The following PPFIBP1 variants were observed in gnomAD, a reference collection of about 807,000 sequenced individuals.
PPFIBP1 encodes PPFIB scaffold protein 1.
A neutral mutation model predicts 137.8 loss-of-function variants in PPFIBP1; 112 were observed. The ratio of observed to expected loss-of-function variants is 0.81; its 90% CI spans 0.70 to 0.95. PPFIBP1 has a LOEUF of 0.95. PPFIBP1 is among the 40% of genes least tolerant of loss of function. PPFIBP1 has a pLI of 0.00. For synonymous variants in PPFIBP1, 378 were observed against 417.3 expected (o/e 0.91, Z 1.15); for missense variants, 1,083 against 1,196.6 (o/e 0.91, Z 1.40).
intron 18 of PPFIBP1, 137 bp from the exon 19 acceptor site, chr12:27,676,927 A>G: frequency 9.3e-7 from 1 of 1,077,216 alleles, no homozygotes; most frequent in East Asian, 2.4e-5. Context: ...GTAACATCAG[A>G]AGCACTGTGT....
At chr12:27,530,812 C>A (rs1565711878) in intron 1 of PPFIBP1, among the ~76,000 whole-genome samples, 2 of 152,162 alleles carry the variant, frequency 1.3e-5, no homozygotes, top group Non-Finnish European at 2.9e-5. Flanking sequence ...CCTGTTAAGC[C>A]TTTTGCTCTT....
chr12:27,545,140 A>C (rs1203909987), intron 1 of PPFIBP1, among the ~76,000 whole-genome samples: 1 of 151,304 alleles, frequency 6.6e-6, no homozygotes, highest in Non-Finnish European at 1.5e-5. Flanking sequence ...GGAACAGAAA[A>C]CCAAACACCA....
chr12:27,556,338 GTTTCTATTC>G (rs1429433077), intron 1 of PPFIBP1, among the ~76,000 whole-genome samples: 2 of 152,124 alleles, frequency 1.3e-5, no homozygotes, highest in Non-Finnish European at 2.9e-5. Flanking sequence ...CTTTAGCAAG[GTTTCTATTC>G]TTTGCCAGTG....
intron 17 of PPFIBP1, among the ~76,000 whole-genome samples, chr12:27,674,757 AT>A (rs918010329): frequency 6.7e-6 from 1 of 148,978 alleles, no homozygotes; most frequent in Non-Finnish European, 1.5e-5. Context: ...TAAAGCAAAC[AT>A]TTTGGTATGT....
At chr12:27,656,426 C>T (rs992094819) in intron 8 of PPFIBP1, among the ~76,000 whole-genome samples, 190 bp from the exon 9 acceptor site, 12 of 152,182 alleles carry the variant, frequency 7.9e-5, no homozygotes, top group Non-Finnish European at 1.6e-4. Flanking sequence ...CTATTATAAA[C>T]AGGACTTCTA....
chr12:27,647,653 T>C, intron 5 of PPFIBP1, 76 bp from the exon 6 acceptor site: 2 of 868,990 alleles, frequency 2.3e-6, no homozygotes, highest in East Asian at 5.6e-5. Context: ...CTTTTTTTGT[T>C]CCATTTAGAG....
In PPFIBP1 at chr12:27,667,286, G is replaced by T. The variant is rs371077704; in HGVS notation, c.1112G>T (p.Ser371Ile). The change falls in exon 13 of 30, where the codon AGT becomes ATT. Residue 371 changes from serine (S) to isoleucine (I), a missense_variant. Ser to Ile is a moderately radical substitution (Grantham distance 142). Coordinates refer to ENST00000228425, the MANE Select transcript of PPFIBP1 (RefSeq NM_003622.4). Reference protein sequence around the residue: ...PSPTPVMGSPSCDPFNTSVPE... With the variant: ...PSPTPVMGSPICDPFNTSVPE... ...CCCACTCCAGTAATGGGATCTCCCA[G>T]TTGTGACCCATTTAACACAAGTGTT... 47 of 1,611,060 alleles carry T rather than the reference G, an allele frequency of 2.9e-5. No homozygotes were observed. The highest frequency in any genetic ancestry group is 3.9e-5 in the Non-Finnish European group (46 of 1,179,026).
At position 27,654,724 on chromosome 12, in the gene PPFIBP1, G is replaced by T. The variant is rs760313055; in HGVS notation, c.606G>T (p.Gly202=). The T allele has an allele frequency of 6.2e-7, 1 of 1,610,538 alleles. No homozygotes were observed. Among genetic ancestry groups the T allele is most frequent in the South Asian group, 1.1e-5 (1 of 90,646 alleles). The change falls in exon 8 of 30, where the codon GGG becomes GGT. Residue 202 remains glycine (G), a splice_region_variant and synonymous_variant. Transcript: ENST00000228425. Reference sequence around the variant, plus strand: ...CTTTCTTGTTTCTTCTTGGACAGGGGCTGATTCAGGAGATCAATGATTTGA... The same window carrying T: ...CTTTCTTGTTTCTTCTTGGACAGGGTCTGATTCAGGAGATCAATGATTTGA... ...DYEDKFRDTE[G]LIQEINDLRL...
intron 2 of PPFIBP1, among the ~76,000 whole-genome samples, chr12:27,604,874 G>A (rs1341399674): frequency 6.6e-6 from 1 of 152,192 alleles, no homozygotes; most frequent in African/African-American, 2.4e-5. Context: ...CTTGACAGAA[G>A]GCAAGGAGGA....
At chr12:27,564,198 C>A (rs2049439465) in intron 1 of PPFIBP1, among the ~76,000 whole-genome samples, 1 of 152,134 alleles carries the variant, frequency 6.6e-6, no homozygotes, top group Non-Finnish European at 1.5e-5. Flanking sequence ...ATGAATTCAA[C>A]CTGTGAGACA....
intron 2 of PPFIBP1, among the ~76,000 whole-genome samples, chr12:27,583,549 C>T (rs2051362860): frequency 6.6e-6 from 1 of 152,062 alleles, no homozygotes; most frequent in Non-Finnish European, 1.5e-5. Flanking sequence ...ATTGGTCCTT[C>T]CTGAGGTCGC....
chr12:27,688,556 C>A, intron 26 of PPFIBP1, 133 bp downstream of exon 26: 2 of 1,107,542 alleles, frequency 1.8e-6, no homozygotes, highest in Non-Finnish European at 2.6e-6. Context: ...TCTAGTAAAC[C>A]TTTACTTTCA....
At chr12:27,589,303 A>T (rs1321930111) in intron 2 of PPFIBP1, among the ~76,000 whole-genome samples, 1 of 152,158 alleles carries the variant, frequency 6.6e-6, no homozygotes, top group Non-Finnish European at 1.5e-5. Context: ...TTTAGACTCT[A>T]TTCTTGTGGC....
intron 1 of PPFIBP1, among the ~76,000 whole-genome samples, chr12:27,560,067 G>GGACAACTTTACTCAAATGTTTTTAA (rs1555193125): frequency 5.3e-5 from 8 of 152,292 alleles, no homozygotes; most frequent in African/African-American, 1.9e-4. Flanking sequence ...TATTACACAT[G>GGACAACTTTACTCAAATGTTTTTAA]GACAACTTTA....
At chr12:27,596,683 A>G (rs1249030802) in intron 2 of PPFIBP1, among the ~76,000 whole-genome samples, 1 of 152,112 alleles carries the variant, frequency 6.6e-6, no homozygotes, top group African/African-American at 2.4e-5. Flanking sequence ...ATGCCTGGCT[A>G]GTTTTCCCTA....
At chr12:27,557,421 G>A (rs1384548545) in intron 1 of PPFIBP1, among the ~76,000 whole-genome samples, 1 of 152,082 alleles carries the variant, frequency 6.6e-6, no homozygotes, top group East Asian at 1.9e-4. Context: ...ATTTTTAGTA[G>A]AGATGGGGTT....
rs181193877 is a variant in PPFIBP1, at chr12:27,660,449, G to A, written c.845-435G>A. 4.5e-4 allele frequency among the ~76,000 whole-genome samples: 68 copies of A among 152,270 alleles called. No individual in the cohort carries two copies. The South Asian group carries it at 5.4e-3, about 12-fold the overall frequency. ...TACTACAAGCCATCAGGCACTTACC[G>A]TTCATTCATGCCTCTATCTTGGTTA... On this transcript the variant is annotated intron_variant, in intron 10 of 29. Transcript: ENST00000228425.
At chr12:27,663,839 CAAA>C (rs56020985) in intron 11 of PPFIBP1, among the ~76,000 whole-genome samples, 1 of 130,062 alleles carries the variant, frequency 7.7e-6, no homozygotes, top group Non-Finnish European at 1.7e-5. Context: ...GACCCTGTCT[CAAA>C]AAAAAAAAAA....
intron 1 of PPFIBP1, among the ~76,000 whole-genome samples, chr12:27,567,185 C>T (rs1277793193): frequency 6.6e-6 from 1 of 152,128 alleles, no homozygotes; most frequent in Non-Finnish European, 1.5e-5. Flanking sequence ...CCATGGGGTG[C>T]TCTACAGGCC....
Sources: allele counts gnomAD v4.1 joint callset (sites outside exome capture counted in the v4.1 genomes callset), GRCh38; gene constraint gnomAD v4.1.1; transcripts MANE v1.5; gene names NCBI Gene and HGNC (gene_info 2026-07-23, HGNC 2026-07-21).